Variants in COL22A1 observed in about 807,000 individuals in gnomAD.
COL22A1 encodes the protein collagen alpha-1(XXII) chain.
Under a neutral mutation model 248.9 loss-of-function variants are expected in COL22A1, and 221 were observed. The ratio of observed to expected loss-of-function variants is 0.89; its 90% CI spans 0.80 to 0.99. COL22A1 has a LOEUF of 0.99. Among genes scored for constraint, COL22A1 ranks in the 50% least tolerant of loss-of-function variants. The probability of loss-of-function intolerance (pLI) is 0.00; values close to 1 mark genes in which losing one functional copy is unlikely to be tolerated. For synonymous variants in COL22A1, 891 were observed against 793.4 expected (o/e 1.12, Z -2.07); for missense variants, 2,240 against 2,179.0 (o/e 1.03, Z -0.56).
intron 40 of COL22A1, among the ~76,000 whole-genome samples, chr8:138,677,820 C>T (rs1825681946): frequency 6.6e-6 from 1 of 152,210 alleles, no homozygotes; most frequent in Non-Finnish European, 1.5e-5. Flanking sequence ...GCTTATTCAG[C>T]CAGCTGAACC....
chr8:138,590,459 T>G (rs1480676868), intron 64 of COL22A1, among the ~76,000 whole-genome samples: 1 of 152,220 alleles, frequency 6.6e-6, no homozygotes, highest in Non-Finnish European at 1.5e-5. Flanking sequence ...CCATTTACTC[T>G]TTATTTGAAA....
At chr8:138,660,931 CACAGACACACACATAA>C (rs1823840625) in intron 43 of COL22A1, among the ~76,000 whole-genome samples, 1 of 149,200 alleles carries the variant, frequency 6.7e-6, no homozygotes, top group Non-Finnish European at 1.5e-5. Flanking sequence ...CACACAGACA[CACAGACACACACATAA>C]ACACACAGAC....
intron 53 of COL22A1, among the ~76,000 whole-genome samples, chr8:138,618,008 C>A (rs1819473936): frequency 6.6e-6 from 1 of 152,142 alleles, no homozygotes; most frequent in Non-Finnish European, 1.5e-5. Context: ...CCAAATTCAG[C>A]CAGCCCAGAG....
intron 56 of COL22A1, among the ~76,000 whole-genome samples, chr8:138,612,487 C>A (rs572970679): frequency 3.9e-5 from 6 of 152,264 alleles, no homozygotes; most frequent in African/African-American, 1.4e-4. Flanking sequence ...AATTGTGCCC[C>A]CCCCAAATTT....
chr8:138,628,760 C>CTTT lies in COL22A1; in HGVS notation c.3663+1932_3663+1934dup, dbSNP rs56318714. Among the ~76,000 whole-genome samples the CTTT allele has an allele frequency of 1.0e-3, 127 of 124,278 alleles. 3 individuals are homozygous for CTTT. The highest frequency in any genetic ancestry group is 2.7e-3 in the African/African-American group (70 of 25,708). The allele number at this position is 124,278 out of a possible 152,430, so 81.5% of individuals were successfully genotyped here. ...GTAGTTTTATATCCTAGATCCACAT[C>CTTT]TTTTTTTTTTTTTTTTTTTTTTTGA... On this transcript the variant is annotated intron_variant, in intron 50 of 64. Transcript: ENST00000303045.
intron 12 of COL22A1, among the ~76,000 whole-genome samples, chr8:138,786,790 G>T (rs895673911): frequency 2.9e-4 from 44 of 152,236 alleles, no homozygotes; most frequent in Middle Eastern, 3.4e-3. Context: ...TGTAATCCCA[G>T]CTACTTGGGA....
At chr8:138,783,137 G>C (rs1212773833) in intron 12 of COL22A1, among the ~76,000 whole-genome samples, 1 of 152,088 alleles carries the variant, frequency 6.6e-6, no homozygotes, top group Admixed American at 6.6e-5. Flanking sequence ...AGTCATTCAT[G>C]GAAAGGGCAG....
chr8:138,695,764 C>T (rs1052893574), intron 32 of COL22A1, among the ~76,000 whole-genome samples: 2 of 152,072 alleles, frequency 1.3e-5, no homozygotes, highest in African/African-American at 2.4e-5. Context: ...GTTGAAGGGA[C>T]ATGTGATCCT....
At chr8:138,690,991 G>T in intron 35 of COL22A1, 117 bp from the exon 36 acceptor site, 1 of 759,592 alleles carries the variant, frequency 1.3e-6, no homozygotes, top group Non-Finnish European at 2.1e-6. Flanking sequence ...AACTGCTGCT[G>T]ACCTGACAGC....
At chr8:138,758,301 CAGA>C (rs1199251088) in intron 18 of COL22A1, among the ~76,000 whole-genome samples, 1 of 152,192 alleles carries the variant, frequency 6.6e-6, no homozygotes, top group Non-Finnish European at 1.5e-5. Flanking sequence ...GATCGTGAAG[CAGA>C]ACAATCCAGC....
At chr8:138,846,636 G>A (rs890865611) in intron 3 of COL22A1, among the ~76,000 whole-genome samples, 1 of 152,008 alleles carries the variant, frequency 6.6e-6, no homozygotes, top group Non-Finnish European at 1.5e-5. Flanking sequence ...GGGTCCTCAG[G>A]GTCCACCTGC....
chr8:138,694,187 CT>C (rs990698009), intron 34 of COL22A1, among the ~76,000 whole-genome samples: 2 of 152,246 alleles, frequency 1.3e-5, no homozygotes, highest in African/African-American at 4.8e-5. Context: ...AAGGTGCCCC[CT>C]ATGTGCAGAG....
chr8:138,888,491 A>G (rs1824829791), intron 1 of COL22A1, among the ~76,000 whole-genome samples: 1 of 152,210 alleles, frequency 6.6e-6, no homozygotes, highest in East Asian at 1.9e-4. Flanking sequence ...GAACTTCCCT[A>G]TGCATGACAG....
intron 51 of COL22A1, 50 bp downstream of exon 51, chr8:138,626,138 TAA>T (rs1820216813): frequency 7.0e-7 from 1 of 1,424,868 alleles, no homozygotes; most frequent in African/African-American, 1.5e-5. Flanking sequence ...TTTGTTTTTA[TAA>T]AGAGAAACTA....
rs1054980592 is a variant in COL22A1, at chr8:138,706,409, T to C, written c.2518-3062A>G. 2.0e-5 allele frequency among the ~76,000 whole-genome samples: 3 copies of C among 152,144 alleles called. No homozygotes were observed. In the South Asian group the frequency reaches 6.2e-4, roughly 32 times the overall value. On this transcript the variant is annotated intron_variant, in intron 30 of 64. Coordinates refer to ENST00000303045, the MANE Select transcript of COL22A1 (RefSeq NM_152888.3). ...GAAGTAAAGCACTCCTCAGCAAATG[T>C]GAAAGAACAGAAATTATAACAAACT...
At chr8:138,774,388 A>T (rs1210296645) in intron 16 of COL22A1, among the ~76,000 whole-genome samples, 1 of 151,066 alleles carries the variant, frequency 6.6e-6, no homozygotes, top group Admixed American at 6.6e-5. Context: ...TAAAGCTATA[A>T]GTTTTAAAAT....
At chr8:138,820,584 T>A (rs967262309) in intron 7 of COL22A1, among the ~76,000 whole-genome samples, 1 of 152,164 alleles carries the variant, frequency 6.6e-6, no homozygotes, top group Non-Finnish European at 1.5e-5. Context: ...CCCTAGTTGG[T>A]GCAATGAGGA....
At chr8:138,627,754 T>C (rs6577935) in intron 50 of COL22A1, among the ~76,000 whole-genome samples, 109,789 of 152,088 alleles carry the variant, frequency 0.72, 42,302 homozygotes, top group Middle Eastern at 0.86. Flanking sequence ...CCTTGCTTTA[T>C]TGTTCCTACC....
chr8:138,829,490 G>T (rs1819864513), intron 5 of COL22A1, among the ~76,000 whole-genome samples: 1 of 130,254 alleles, frequency 7.7e-6, no homozygotes. Context: ...CACTGCAACT[G>T]CCTCCCGGGC....
Sources: gnomAD v4.1 joint callset for allele counts (sites outside exome capture counted in the v4.1 genomes callset) on GRCh38, gnomAD v4.1.1 for gene constraint, MANE v1.5 for transcripts, NCBI Gene and HGNC (gene_info 2026-07-23, HGNC 2026-07-21) for gene names.